Variants in SCAMP1 observed in about 807,000 individuals in gnomAD.
SCAMP1 encodes the protein secretory carrier membrane protein 1, also known as secretory carrier-associated membrane protein 1.
In SCAMP1, 15 loss-of-function variants were observed where a neutral mutation model predicts 41.8. That is an observed-to-expected ratio of 0.36 (90% CI 0.24 to 0.55). The LOEUF is 0.55. SCAMP1 is among the 20% of genes least tolerant of loss of function. The pLI, the probability that SCAMP1 is intolerant of heterozygous loss-of-function variation, is 0.86. For missense variants in SCAMP1, 341 were observed against 412.6 expected (o/e 0.83, Z 1.50); for synonymous variants, 135 against 136.8 (o/e 0.99, Z 0.09).
At chr5:78,411,623 T>C (rs1244569443) in intron 2 of SCAMP1, among the ~76,000 whole-genome samples, 2 of 152,190 alleles carry the variant, frequency 1.3e-5, no homozygotes, top group African/African-American at 4.8e-5. Context: ...AACTTTTAAA[T>C]AGCTGTATTG....
intron 2 of SCAMP1, among the ~76,000 whole-genome samples, chr5:78,392,519 C>T (rs1365106452): frequency 1.3e-5 from 2 of 152,076 alleles, no homozygotes; most frequent in Non-Finnish European, 2.9e-5. Flanking sequence ...ATATCCAGAA[C>T]AAATAAAACA....
At chr5:78,378,897 C>T (rs545636142) in intron 1 of SCAMP1, among the ~76,000 whole-genome samples, 29 of 152,310 alleles carry the variant, frequency 1.9e-4, no homozygotes, top group Non-Finnish European at 3.8e-4. Flanking sequence ...TCATCCCAGA[C>T]CTACTGAATC....
chr5:78,443,764 T>G (rs931180431), intron 6 of SCAMP1, among the ~76,000 whole-genome samples: 3 of 148,860 alleles, frequency 2.0e-5, no homozygotes, highest in Non-Finnish European at 3.0e-5. Context: ...GCTCAAATGA[T>G]CCTCCTGCCT....
At chr5:78,408,543 T>C (rs1178455446) in intron 2 of SCAMP1, among the ~76,000 whole-genome samples, 1 of 152,162 alleles carries the variant, frequency 6.6e-6, no homozygotes, top group Non-Finnish European at 1.5e-5. Context: ...ATCTTGTCCA[T>C]GTGGGTAGTG....
intron 6 of SCAMP1, among the ~76,000 whole-genome samples, chr5:78,423,326 A>G (rs2112151091): frequency 6.6e-6 from 1 of 152,294 alleles, no homozygotes; most frequent in East Asian, 1.9e-4. Flanking sequence ...GATGGGTTGG[A>G]GAGGAATGAA....
At chr5:78,387,459 G>A (rs1345741258) in intron 1 of SCAMP1, among the ~76,000 whole-genome samples, 2 of 151,022 alleles carry the variant, frequency 1.3e-5, no homozygotes, top group Non-Finnish European at 2.9e-5. Flanking sequence ...TTTTTTTCTG[G>A]AAGTTTAGAG....
At chr5:78,441,485 G>T (rs1752923243) in intron 6 of SCAMP1, among the ~76,000 whole-genome samples, 1 of 152,286 alleles carries the variant, frequency 6.6e-6, no homozygotes, top group East Asian at 1.9e-4. Context: ...ACCATCAAGA[G>T]AATTAATATT....
intron 6 of SCAMP1, among the ~76,000 whole-genome samples, chr5:78,434,505 GTCC>G (rs1431770263): frequency 2.4e-4 from 36 of 151,502 alleles, no homozygotes; most frequent in Admixed American, 2.4e-3. Flanking sequence ...TTACTTGGTG[GTCC>G]TCCTCTTCCT....
At chr5:78,404,475 C>CTTTTTTTTTT in intron 2 of SCAMP1, among the ~76,000 whole-genome samples, 1 of 39,104 alleles carries the variant, frequency 2.6e-5, no homozygotes, top group African/African-American at 2.6e-4. Flanking sequence ...TTTTTTTTTG[C>CTTTTTTTTTT]TAGGCTGACA....
rs1754073555 is a variant in SCAMP1, at chr5:78,479,152, ACCTT to A, written c.*3485_*3488del. On this transcript the variant is annotated 3_prime_UTR_variant, in exon 9 of 9. Coordinates refer to ENST00000621999, the MANE Select transcript of SCAMP1 (RefSeq NM_004866.6). ...AGCATTTTTTCCCCTGCTTATGTAT[ACCTT>A]AGAGTTACCATGGCTGTCATATACC... 6.6e-6 allele frequency: 1 copy of A among 152,130 alleles called. No homozygotes were observed. The highest frequency in any genetic ancestry group is 1.5e-5 in the Non-Finnish European group (1 of 67,984). 9.4% of individuals were successfully genotyped at this position (152,130 alleles called of 1,614,324 possible). A position where few individuals can be genotyped will look rare whatever the true frequency, so the allele number is the denominator to read the frequency against.
intron 8 of SCAMP1, among the ~76,000 whole-genome samples, chr5:78,467,990 CA>C (rs1371646768): frequency 6.6e-6 from 1 of 152,120 alleles, no homozygotes; most frequent in Non-Finnish European, 1.5e-5. Flanking sequence ...GTAATCTGTG[CA>C]CGGTTTTGAC....
chr5:78,372,993 T>C (rs187091754), intron 1 of SCAMP1, among the ~76,000 whole-genome samples: 2 of 152,184 alleles, frequency 1.3e-5, no homozygotes, highest in East Asian at 3.9e-4. Context: ...ACAACAACAA[T>C]AACTAAATAC....
chr5:78,460,803 TCC>T (rs1753580168), intron 8 of SCAMP1, among the ~76,000 whole-genome samples: 2 of 45,796 alleles, frequency 4.4e-5, no homozygotes, highest in African/African-American at 1.6e-4. Flanking sequence ...CTTCCTTCCT[TCC>T]TCCCTTCCTT....
intron 2 of SCAMP1, among the ~76,000 whole-genome samples, chr5:78,397,701 A>G (rs1751686569): frequency 6.6e-6 from 1 of 152,188 alleles, no homozygotes; most frequent in African/African-American, 2.4e-5. Context: ...TGGATGGATC[A>G]TTTGAGGTCA....
At chr5:78,424,812 A>G (rs1373034262) in intron 6 of SCAMP1, among the ~76,000 whole-genome samples, 2 of 152,326 alleles carry the variant, frequency 1.3e-5, no homozygotes, top group Non-Finnish European at 2.9e-5. Flanking sequence ...ATACATCAAA[A>G]TATTAGGTAA....
intron 6 of SCAMP1, among the ~76,000 whole-genome samples, chr5:78,441,882 C>A (rs1423694416): frequency 6.6e-6 from 1 of 152,190 alleles, no homozygotes; most frequent in African/African-American, 2.4e-5. Flanking sequence ...ATAATCCCAG[C>A]ATTTTGGGAG....
intron 8 of SCAMP1, among the ~76,000 whole-genome samples, chr5:78,469,486 A>C (rs1281700617): frequency 6.6e-6 from 1 of 152,002 alleles, no homozygotes; most frequent in African/African-American, 2.4e-5. Context: ...AAAAAAAAAA[A>C]ACTTTACCCC....
rs575402338 is a variant in SCAMP1, at chr5:78,472,418, T to A, written c.853-3086T>A. ...CCCACCCCCAAGTTGTGTAATTTTT[T>A]AAAAAAAATTATAGTACTTGGTGTC... On this transcript the variant is annotated intron_variant, in intron 8 of 8. Transcript: ENST00000621999. Among the ~76,000 whole-genome samples the A allele has an allele frequency of 1.1e-4, 17 of 151,964 alleles. No individual in the cohort carries two copies. In the South Asian group the frequency reaches 1.5e-3, roughly 13 times the overall value.
intron 2 of SCAMP1, among the ~76,000 whole-genome samples, chr5:78,403,950 CAAAAAAAAAAAAAA>C (rs61249151): frequency 1.0e-4 from 5 of 49,334 alleles, no homozygotes; most frequent in Non-Finnish European, 1.4e-4. Context: ...GACTCTGTCT[CAAAAAAAAAAAAAA>C]AAAAAAAAAA....
Sources: gnomAD v4.1 joint callset for allele counts (sites outside exome capture counted in the v4.1 genomes callset) on GRCh38, gnomAD v4.1.1 for gene constraint, MANE v1.5 for transcripts, NCBI Gene and HGNC (gene_info 2026-07-23, HGNC 2026-07-21) for gene names.